DDX19B: variants seen among roughly 807,000 people sequenced by gnomAD.
DDX19B encodes ATP-dependent RNA helicase DDX19B.
A neutral mutation model predicts 58.1 loss-of-function variants in DDX19B; 27 were observed. That is an observed-to-expected ratio of 0.46 (90% confidence interval 0.34 to 0.64). DDX19B has a LOEUF of 0.64. DDX19B is among the 30% of genes least tolerant of loss of function. The probability of loss-of-function intolerance (pLI) is 0.01; values close to 1 mark genes in which losing one functional copy is unlikely to be tolerated. For missense variants in DDX19B, 399 were observed against 596.5 expected, an observed-to-expected ratio of 0.67 and a Z score of 3.45; for synonymous variants, 187 against 214.4, an observed-to-expected ratio of 0.87 and a Z score of 1.12.
Position 70,317,359 on chromosome 16 carries a change from C to T in DDX19B, c.297-137C>T, listed in dbSNP as rs567620668. ...CTGCACCTTTGCACTGCAGCCTGGG[C>T]AATAGATCGAGACTCTGCTCAAAAA... On this transcript the variant is annotated intron_variant, in intron 4 of 11. Coordinates refer to ENST00000288071, the MANE Select transcript of DDX19B (RefSeq NM_007242.7). The T allele has an allele frequency of 2.7e-4, 156 of 577,038 alleles. 2 individuals carry two copies. The highest frequency in any genetic ancestry group is 1.5e-3 in the South Asian group (64 of 43,422). 35.7% of individuals were successfully genotyped at this position (577,038 alleles called of 1,614,324 possible). A position where few individuals can be genotyped will look rare whatever the true frequency, so the allele number is the denominator to read the frequency against.
chr16:70,316,134 C>T (rs763071669), intron 4 of DDX19B, 30 bp downstream of exon 4: 2 of 1,613,422 alleles, frequency 1.2e-6, no homozygotes, highest in Non-Finnish European at 1.7e-6. Context: ...CTGACTCTTC[C>T]CCTTTGCACT....
chr16:70,326,842 C>A (rs1224514888), intron 7 of DDX19B, among the ~76,000 whole-genome samples: 1 of 140,062 alleles, frequency 7.1e-6, no homozygotes, highest in African/African-American at 2.6e-5. Flanking sequence ...AGACTTCTTT[C>A]TTTTTTTTTT....
chr16:70,300,663 G>A (rs1396278111), intron 1 of DDX19B, among the ~76,000 whole-genome samples: 1 of 152,034 alleles, frequency 6.6e-6, no homozygotes, highest in Non-Finnish European at 1.5e-5. Context: ...CTGAGTAACC[G>A]GGACTACAAG....
intron 7 of DDX19B, among the ~76,000 whole-genome samples, chr16:70,327,310 G>A (rs1963215214): frequency 6.6e-6 from 1 of 151,750 alleles, no homozygotes; most frequent in Non-Finnish European, 1.5e-5. Flanking sequence ...CGAGGTGGGT[G>A]GATCACGAGG....
intron 1 of DDX19B, among the ~76,000 whole-genome samples, chr16:70,310,421 G>A (rs1567626726): frequency 6.6e-6 from 1 of 151,614 alleles, no homozygotes; most frequent in African/African-American, 2.4e-5. Flanking sequence ...AGTGCCTGTA[G>A]TCTCAGCTAC....
At chr16:70,294,861 G>C (rs780946715), upstream of DDX19B, 3 of 1,523,772 alleles carry the variant, frequency 2.0e-6, no homozygotes, top group Admixed American at 6.3e-5. Flanking sequence ...TGGGGCTGCC[G>C]GGCGCGTCCA....
At chr16:70,314,500 A>C (rs1469919499) in intron 2 of DDX19B, among the ~76,000 whole-genome samples, 1 of 151,936 alleles carries the variant, frequency 6.6e-6, no homozygotes, top group Non-Finnish European at 1.5e-5. Context: ...GTCTCTACTA[A>C]AAATACAAAA....
At chr16:70,331,585 G>C in intron 9 of DDX19B, 137 bp from the exon 10 acceptor site, 1 of 1,218,862 alleles carries the variant, frequency 8.2e-7, no homozygotes. Context: ...GCTTCATTGA[G>C]AAATTTTAAG....
intron 2 of DDX19B, among the ~76,000 whole-genome samples, chr16:70,313,185 A>C (rs1391767168): frequency 1.3e-5 from 2 of 151,702 alleles, no homozygotes; most frequent in East Asian, 3.9e-4. Flanking sequence ...CGCCTGGCTA[A>C]TGTTTTGTAT....
chr16:70,311,063 T>C (rs888006936), intron 1 of DDX19B, among the ~76,000 whole-genome samples: 2 of 149,774 alleles, frequency 1.3e-5, no homozygotes, highest in Non-Finnish European at 3.0e-5. Flanking sequence ...TGTTTTGTTT[T>C]GTTTTTAATA....
upstream of DDX19B, among the ~76,000 whole-genome samples, chr16:70,297,109 T>G (rs555669606): frequency 7.0e-4 from 107 of 152,180 alleles, no homozygotes; most frequent in Non-Finnish European, 1.2e-3. Context: ...AGAGACAGGG[T>G]TTCACCATGT....
intron 1 of DDX19B, among the ~76,000 whole-genome samples, chr16:70,306,058 C>G (rs1336094604): frequency 6.6e-6 from 1 of 151,932 alleles, no homozygotes; most frequent in Non-Finnish European, 1.5e-5. Context: ...CCACAGCACC[C>G]GGCCTGTTTT....
chr16:70,322,455 G>A (rs1962890069), intron 5 of DDX19B, among the ~76,000 whole-genome samples: 1 of 151,912 alleles, frequency 6.6e-6, no homozygotes, highest in South Asian at 2.1e-4. Flanking sequence ...GCCATGCATG[G>A]TGGTGCATAC....
intron 1 of DDX19B, among the ~76,000 whole-genome samples, chr16:70,308,117 T>A (rs996481777): frequency 5.3e-5 from 8 of 150,102 alleles, no homozygotes; most frequent in Non-Finnish European, 1.0e-4. Context: ...CATGCCCAGC[T>A]AGTTTTTATA....
At chr16:70,321,746 A>G (rs563817253) in intron 5 of DDX19B, among the ~76,000 whole-genome samples, 4 of 152,152 alleles carry the variant, frequency 2.6e-5, no homozygotes, top group Non-Finnish European at 4.4e-5. Context: ...AATAAAAATA[A>G]ATTTTGGCCA....
intron 1 of DDX19B, among the ~76,000 whole-genome samples, chr16:70,311,826 G>GCTTTT (rs545691530): frequency 2.0e-4 from 31 of 151,858 alleles, no homozygotes; most frequent in Non-Finnish European, 3.4e-4. Context: ...ACCCACAGAT[G>GCTTTT]CTTTTCTTTT....
Position 70,333,679 on chromosome 16 carries a change from C to T in DDX19B, c.*97C>T, listed in dbSNP as rs1001017221. On this transcript the variant is annotated 3_prime_UTR_variant, in exon 12 of 12. Coordinates refer to ENST00000288071, the MANE Select transcript of DDX19B (RefSeq NM_007242.7). ...GGCCCCGACATCACCCCAAGGACAA[C>T]GGCACAAGTAGAGAGAAACTACCTA... 67 of 1,575,228 alleles carry T rather than the reference C, an allele frequency of 4.3e-5. No homozygotes were observed. Among genetic ancestry groups the T allele is most frequent in the Middle Eastern group, 1.7e-4 (1 of 5,976 alleles).
intron 1 of DDX19B, among the ~76,000 whole-genome samples, chr16:70,304,908 G>A (rs569591313): frequency 1.5e-4 from 22 of 151,350 alleles, no homozygotes; most frequent in Admixed American, 3.3e-4. Context: ...TACCCTGTAC[G>A]GCTTTCATGG....
intron 10 of DDX19B, 69 bp downstream of exon 10, chr16:70,331,953 C>A: frequency 6.3e-7 from 1 of 1,582,782 alleles, no homozygotes; most frequent in Non-Finnish European, 8.6e-7. Context: ...AGCCAGAAAT[C>A]CTTGTACACA....
Sources: gnomAD v4.1 joint callset for allele counts (sites outside exome capture counted in the v4.1 genomes callset) on GRCh38, gnomAD v4.1.1 for gene constraint, MANE v1.5 for transcripts, NCBI Gene and HGNC (gene_info 2026-07-23, HGNC 2026-07-21) for gene names.